The following RHOJ variants were observed in gnomAD, a reference collection of about 807,000 sequenced individuals.
RHOJ encodes the protein rho-related GTP-binding protein RhoJ.
Under a neutral mutation model 23.4 loss-of-function variants are expected in RHOJ, and 11 were observed. That is an observed-to-expected ratio of 0.47 (90% CI 0.30 to 0.78). The LOEUF is 0.78. RHOJ is among the 30% of genes least tolerant of loss of function. The pLI, the probability that RHOJ is intolerant of heterozygous loss-of-function variation, is 0.08. For synonymous variants in RHOJ, 102 were observed against 102.7 expected (o/e 0.99, Z 0.04); for missense variants, 254 against 273.4 (o/e 0.93, Z 0.50).
intron 2 of RHOJ, among the ~76,000 whole-genome samples, chr14:63,278,678 T>C (rs1371484710): frequency 6.6e-6 from 1 of 152,164 alleles, no homozygotes; most frequent in African/African-American, 2.4e-5. Flanking sequence ...GTGTATGTGG[T>C]ATACATACAT....
At chr14:63,224,623 G>C (rs1894556256) in intron 1 of RHOJ, among the ~76,000 whole-genome samples, 1 of 152,152 alleles carries the variant, frequency 6.6e-6, no homozygotes, top group African/African-American at 2.4e-5. Flanking sequence ...GTTCACTGTT[G>C]ATACTATACC....
At chr14:63,274,835 A>G (rs1020853604) in intron 2 of RHOJ, among the ~76,000 whole-genome samples, 4 of 152,140 alleles carry the variant, frequency 2.6e-5, no homozygotes, top group Non-Finnish European at 5.9e-5. Context: ...CACGCACACT[A>G]TACATGGTGC....
chr14:63,284,537 C>CTG (rs1235180393), intron 4 of RHOJ: 1 of 172,984 alleles, frequency 5.8e-6, no homozygotes, highest in African/African-American at 2.4e-5. Context: ...GCTCTGTGGA[C>CTG]ATCACCACTC....
intron 1 of RHOJ, among the ~76,000 whole-genome samples, chr14:63,249,468 A>G (rs76574123): frequency 1.8e-3 from 271 of 152,334 alleles, no homozygotes; most frequent in Middle Eastern, 3.4e-3. Flanking sequence ...GTGCCTAAGA[A>G]TTCACCTTTA....
intron 2 of RHOJ, among the ~76,000 whole-genome samples, chr14:63,270,475 C>T (rs555917456): frequency 5.3e-5 from 8 of 152,138 alleles, no homozygotes; most frequent in Non-Finnish European, 1.2e-4. Context: ...ACGCCAATAG[C>T]AAGACATACG....
At chr14:63,207,293 G>A (rs1341750294) in intron 1 of RHOJ, among the ~76,000 whole-genome samples, 2 of 152,082 alleles carry the variant, frequency 1.3e-5, no homozygotes, top group African/African-American at 2.4e-5. Flanking sequence ...GCCTCCTAAC[G>A]TGCTGGGATT....
chr14:63,239,783 C>A (rs1894852209), intron 1 of RHOJ, among the ~76,000 whole-genome samples: 1 of 152,148 alleles, frequency 6.6e-6, no homozygotes, highest in African/African-American at 2.4e-5. Context: ...AGGAAGCAGA[C>A]TTCTCTTAAG....
intron 1 of RHOJ, among the ~76,000 whole-genome samples, chr14:63,237,802 A>C (rs1165579727): frequency 6.6e-6 from 1 of 152,226 alleles, no homozygotes; most frequent in Admixed American, 6.5e-5. Flanking sequence ...ATCGGTGTGG[A>C]TCGTCAGACT....
chr14:63,245,299 A>C (rs1042375319), intron 1 of RHOJ, among the ~76,000 whole-genome samples: 3 of 152,120 alleles, frequency 2.0e-5, no homozygotes, highest in East Asian at 1.9e-4. Context: ...TTCATTAAAA[A>C]AAAAAGGCAG....
At chr14:63,228,762 G>A (rs1200482334) in intron 1 of RHOJ, among the ~76,000 whole-genome samples, 1 of 152,192 alleles carries the variant, frequency 6.6e-6, no homozygotes, top group African/African-American at 2.4e-5. Flanking sequence ...TGAGAAACAT[G>A]AGTGGGAATT....
chr14:63,241,902 C>T (rs1894890322), intron 1 of RHOJ, among the ~76,000 whole-genome samples: 1 of 152,206 alleles, frequency 6.6e-6, no homozygotes, highest in Non-Finnish European at 1.5e-5. Flanking sequence ...CAATGCCTCT[C>T]AAAAATTTTG....
At chr14:63,276,212 G>C (rs867593455) in intron 2 of RHOJ, among the ~76,000 whole-genome samples, 4 of 74,418 alleles carry the variant, frequency 5.4e-5, no homozygotes, top group South Asian at 2.8e-4. Context: ...AGCTTCGGTG[G>C]GGGGGGGCGG....
intron 1 of RHOJ, among the ~76,000 whole-genome samples, chr14:63,228,964 C>T (rs1335733393): frequency 6.6e-6 from 1 of 152,136 alleles, no homozygotes; most frequent in Non-Finnish European, 1.5e-5. Flanking sequence ...TTCTTCTGAC[C>T]TGTCATAGCA....
At chr14:63,212,802 C>G (rs907243422) in intron 1 of RHOJ, among the ~76,000 whole-genome samples, 12 of 152,204 alleles carry the variant, frequency 7.9e-5, no homozygotes, top group Admixed American at 7.9e-4. Flanking sequence ...TAACACCTTG[C>G]TAAATATGTA....
chr14:63,271,957 T>G (rs865921839), intron 2 of RHOJ, among the ~76,000 whole-genome samples: 1 of 152,196 alleles, frequency 6.6e-6, no homozygotes, highest in African/African-American at 2.4e-5. Context: ...TGAGAGCCAC[T>G]CAAAGTGTGG....
In RHOJ at chr14:63,291,125, C is replaced by A. The variant is rs775204423; in HGVS notation, c.*101C>A. The A allele has an allele frequency of 5.8e-6, 8 of 1,379,106 alleles. No individual in the cohort carries two copies. In the East Asian group the frequency reaches 1.8e-4, roughly 32 times the overall value. The allele number at this position is 1,379,106 out of a possible 1,614,324, so 85.4% of individuals were successfully genotyped here. On this transcript the variant is annotated 3_prime_UTR_variant, in exon 5 of 5. Coordinates refer to ENST00000316754, the MANE Select transcript of RHOJ (RefSeq NM_020663.5). ...AAAGGAGGGCACGACCAGAAAGGAA[C>A]TCCCTTTGCACGGAGGCTTGCCCCA...
intron 1 of RHOJ, among the ~76,000 whole-genome samples, chr14:63,219,633 T>C (rs992279526): frequency 1.3e-5 from 2 of 152,068 alleles, no homozygotes; most frequent in Non-Finnish European, 1.5e-5. Flanking sequence ...CTGGTCAACA[T>C]GGTGAAACCC....
intron 1 of RHOJ, among the ~76,000 whole-genome samples, chr14:63,210,965 A>G (rs1328541173): frequency 1.3e-5 from 2 of 152,192 alleles, no homozygotes; most frequent in Non-Finnish European, 2.9e-5. Flanking sequence ...TGAAGCCACT[A>G]TTTGCAAACC....
chr14:63,267,343 A>G (rs1359333060), intron 1 of RHOJ, among the ~76,000 whole-genome samples: 2 of 152,196 alleles, frequency 1.3e-5, no homozygotes, highest in Non-Finnish European at 2.9e-5. Flanking sequence ...CATAGGTCAG[A>G]GCCATTGCTT....
Sources: gnomAD v4.1 joint callset for allele counts (sites outside exome capture counted in the v4.1 genomes callset) on GRCh38, gnomAD v4.1.1 for gene constraint, MANE v1.5 for transcripts, NCBI Gene and HGNC (gene_info 2026-07-23, HGNC 2026-07-21) for gene names.